The following TSG101 variants were observed in gnomAD, a reference collection of about 807,000 sequenced individuals.
TSG101 encodes the protein tumor susceptibility 101, also known as tumor susceptibility gene 101 protein.
TSG101 carries 19 observed loss-of-function variants against 48.5 expected under a neutral mutation model. That is an observed-to-expected ratio of 0.39 (90% confidence interval 0.27 to 0.58). The LOEUF (loss-of-function observed/expected upper bound fraction) is 0.58. TSG101 is among the 20% of genes least tolerant of loss of function. The pLI, the probability that TSG101 is intolerant of heterozygous loss-of-function variation, is 0.55. For missense variants in TSG101, 365 were observed against 484.4 expected (o/e 0.75, Z 2.31); for synonymous variants, 174 against 169.4 (o/e 1.03, Z -0.21).
At chr11:18,494,310 A>C (rs1396029600) in intron 7 of TSG101, among the ~76,000 whole-genome samples, 1 of 152,248 alleles carries the variant, frequency 6.6e-6, no homozygotes, top group East Asian at 1.9e-4. Context: ...TATTCTTAAA[A>C]AAATGAATCA....
intron 7 of TSG101, among the ~76,000 whole-genome samples, chr11:18,485,919 A>C (rs1849613556): frequency 6.6e-6 from 1 of 152,200 alleles, no homozygotes; most frequent in Non-Finnish European, 1.5e-5. Flanking sequence ...TCCCGGATGA[A>C]ACCCCTGACC....
intron 8 of TSG101, 82 bp from the exon 9 acceptor site, chr11:18,481,951 A>G (rs1849547806): frequency 6.5e-7 from 1 of 1,547,008 alleles, no homozygotes; most frequent in Admixed American, 1.9e-5. Context: ...ACAGGAAAAG[A>G]CAGGCTAACA....
chr11:18,490,436 A>G, intron 7 of TSG101: 3 of 560,218 alleles, frequency 5.4e-6, no homozygotes, highest in South Asian at 3.1e-5. Context: ...TCTCATAGTA[A>G]AAGACTGAGA....
intron 4 of TSG101, among the ~76,000 whole-genome samples, chr11:18,510,545 A>G (rs1392680291): frequency 1.3e-5 from 2 of 151,794 alleles, no homozygotes; most frequent in Non-Finnish European, 2.9e-5. Context: ...CTATTTTTTC[A>G]TAAGTTACTA....
At chr11:18,519,886 T>C (rs967449356) in intron 1 of TSG101, among the ~76,000 whole-genome samples, 7 of 152,226 alleles carry the variant, frequency 4.6e-5, no homozygotes, top group Non-Finnish European at 7.3e-5. Context: ...TAATTTATAT[T>C]ATTTAACTCA....
At chr11:18,506,602 A>G (rs957572800) in intron 6 of TSG101, among the ~76,000 whole-genome samples, 2 of 152,040 alleles carry the variant, frequency 1.3e-5, no homozygotes, top group African/African-American at 4.8e-5. Flanking sequence ...AGGCAGGAGA[A>G]TCACTTGAAC....
At chr11:18,521,850 T>C (rs1850283766) in intron 1 of TSG101, among the ~76,000 whole-genome samples, 1 of 151,998 alleles carries the variant, frequency 6.6e-6, no homozygotes, top group Admixed American at 6.6e-5. Context: ...CTAATTTTTG[T>C]ATATTTTTGA....
chr11:18,525,688 A>G (rs1461954742), intron 1 of TSG101: 4 of 984,976 alleles, frequency 4.1e-6, no homozygotes, highest in Admixed American at 6.2e-5. Context: ...ATGGCTTCCC[A>G]TATGTCTTCT....
intron 9 of TSG101, chr11:18,481,379 C>A: frequency 7.9e-7 from 1 of 1,263,300 alleles, no homozygotes; most frequent in Middle Eastern, 3.1e-4. Flanking sequence ...AGAAGAGTTA[C>A]ACTCATCTTA....
intron 7 of TSG101, among the ~76,000 whole-genome samples, chr11:18,500,574 A>G (rs1025388899): frequency 2.0e-5 from 3 of 152,110 alleles, no homozygotes; most frequent in Admixed American, 2.0e-4. Flanking sequence ...CATTTTCCTG[A>G]TGATGAGTGA....
At chr11:18,506,777 C>T in intron 6 of TSG101, 80 bp downstream of exon 6, 3 of 1,165,764 alleles carry the variant, frequency 2.6e-6, no homozygotes, top group South Asian at 1.9e-5. Context: ...ATTTTAATGC[C>T]CTAATTAGCA....
chr11:18,491,494 G>C (rs1465996900), intron 7 of TSG101, among the ~76,000 whole-genome samples: 1 of 152,210 alleles, frequency 6.6e-6, no homozygotes, highest in Non-Finnish European at 1.5e-5. Context: ...GGAAAAGTCA[G>C]CACTGCCTAT....
At chr11:18,515,298 T>A (rs117920272) in intron 3 of TSG101, among the ~76,000 whole-genome samples, 3,839 of 152,304 alleles carry the variant, frequency 0.025, 95 homozygotes, top group Non-Finnish European at 0.032. Flanking sequence ...ACATCCTTTA[T>A]TCATCTTTGT....
chr11:18,506,171 A>G (rs1167824477), intron 6 of TSG101, among the ~76,000 whole-genome samples: 1 of 151,974 alleles, frequency 6.6e-6, no homozygotes, highest in Non-Finnish European at 1.5e-5. Flanking sequence ...ATTTGAAAGG[A>G]GTTTCTTTCA....
chr11:18,510,043 GC>G (rs1409818331), intron 4 of TSG101, among the ~76,000 whole-genome samples: 14 of 152,072 alleles, frequency 9.2e-5, no homozygotes, highest in Non-Finnish European at 1.8e-4. Context: ...ATTATTAAAG[GC>G]CATTAAAAGA....
At chr11:18,518,771 C>T (rs543394330) in intron 2 of TSG101, among the ~76,000 whole-genome samples, 33 of 151,872 alleles carry the variant, frequency 2.2e-4, no homozygotes, top group Middle Eastern at 3.4e-3. Flanking sequence ...TATTCTTGCT[C>T]GTCTCGGTGA....
intron 2 of TSG101, among the ~76,000 whole-genome samples, chr11:18,518,988 CTA>C (rs1355744713): frequency 2.0e-5 from 3 of 151,860 alleles, no homozygotes; most frequent in Non-Finnish European, 4.4e-5. Flanking sequence ...TTGCATAGTT[CTA>C]TGTTAGAGGT....
chr11:18,520,016 G>C (rs921513305), intron 1 of TSG101, among the ~76,000 whole-genome samples: 2 of 152,084 alleles, frequency 1.3e-5, no homozygotes, highest in African/African-American at 4.8e-5. Context: ...ATCAACTTCA[G>C]AACATTTTCA....
intron 4 of TSG101, among the ~76,000 whole-genome samples, chr11:18,510,518 CAATGACAAAGAGATTCCTATTTT>C (rs994110030): frequency 2.6e-5 from 4 of 152,108 alleles, no homozygotes; most frequent in African/African-American, 9.7e-5. Context: ...TTCCTTCCAA[CAATGACAAAGAGATTCCTATTTT>C]TTCATAAGTT....
Sources: gnomAD v4.1 joint callset for allele counts (sites outside exome capture counted in the v4.1 genomes callset) on GRCh38, gnomAD v4.1.1 for gene constraint, MANE v1.5 for transcripts, NCBI Gene and HGNC (gene_info 2026-07-23, HGNC 2026-07-21) for gene names.